The following ATAD3B variants were observed in gnomAD, a reference collection of about 807,000 sequenced individuals.
ATAD3B encodes the protein ATPase family AAA domain-containing protein 3B.
In ATAD3B, 59 loss-of-function variants were observed where a neutral mutation model predicts 70.2. That is an observed-to-expected ratio of 0.84 (90% CI 0.68 to 1.04). The LOEUF (loss-of-function observed/expected upper bound fraction) is 1.04, where lower values mean the gene tolerates loss of function less well. Ranked by LOEUF, ATAD3B falls within the 50% of genes least tolerant of loss-of-function variation. ATAD3B has a pLI of 0.00. For missense variants in ATAD3B, 961 were observed against 913.4 expected, an observed-to-expected ratio of 1.05 and a Z score of -0.67; for synonymous variants, 423 against 388.6, an observed-to-expected ratio of 1.09 and a Z score of -1.04.
At chr1:1,485,674 CT>C (rs1640168921) in intron 8 of ATAD3B, 107 bp from the exon 9 acceptor site, 3 of 1,527,162 alleles carry the variant, frequency 2.0e-6, no homozygotes, top group Non-Finnish European at 2.7e-6. Flanking sequence ...CCTGGCTGTG[CT>C]TTGGGGCAGC....
chr1:1,498,379 C>T (rs1407717470), downstream of ATAD3B, among the ~76,000 whole-genome samples: 5 of 151,812 alleles, frequency 3.3e-5, no homozygotes, highest in African/African-American at 9.7e-5. Context: ...CTAGGAGGAT[C>T]GCCTGAGCAT....
Position 1,482,762 on chromosome 1 carries a change from C to T in ATAD3B, c.750+148C>T, listed in dbSNP as rs758369730. 1.8e-5 allele frequency: 24 copies of T among 1,309,212 alleles called. 1 individual carries two copies. Among genetic ancestry groups the T allele is most frequent in the South Asian group, 6.6e-5 (5 of 75,372 alleles). The allele number at this position is 1,309,212 out of a possible 1,614,324, so 81.1% of individuals were successfully genotyped here. On this transcript the variant is annotated intron_variant, in intron 7 of 15. Coordinates refer to ENST00000673477, the MANE Select transcript of ATAD3B (RefSeq NM_031921.6). ...AAACCCACGTTGTACCTGCTGGGCTCGGCTGCTCCTCCCTCCTTGAGCTGG... is the reference window on the plus strand; with the variant it reads ...AAACCCACGTTGTACCTGCTGGGCTTGGCTGCTCCTCCCTCCTTGAGCTGG...
At chr1:1,493,605 C>T (rs1473404458) in intron 15 of ATAD3B, among the ~76,000 whole-genome samples, 1 of 151,788 alleles carries the variant, frequency 6.6e-6, no homozygotes, top group African/African-American at 2.4e-5. Flanking sequence ...GTGTGAGCCA[C>T]TGCAACCGAC....
intron 15 of ATAD3B, among the ~76,000 whole-genome samples, chr1:1,490,933 C>G (rs1640511824): frequency 6.6e-6 from 1 of 152,032 alleles, no homozygotes; most frequent in Non-Finnish European, 1.5e-5. Flanking sequence ...TCCAGCATCC[C>G]AGGTGCCCGG....
chr1:1,498,709 GT>G (rs1235897002), downstream of ATAD3B, among the ~76,000 whole-genome samples: 1 of 150,820 alleles, frequency 6.6e-6, no homozygotes, highest in African/African-American at 2.4e-5. Context: ...CGCCCGGCCT[GT>G]TTGTTTTTTT....
rs750391230 is a variant in ATAD3B, at chr1:1,486,667, G to A, written c.1213G>A (p.Gly405Ser). ...LFDWANTSRRGLLLFMDEADA... is the reference protein window; with the variant it reads ...LFDWANTSRRSLLLFMDEADA... The stretch of plus-strand genomic sequence containing the variant: ...TGACTGGGCCAATACCAGCCGGCGC[G>A]GGTGAGACGTCCCCACAGCATGCAC... Residue 405 changes from glycine (G) to serine (S), a missense_variant and splice_region_variant, in exon 11 of 16, where the codon GGC becomes AGC. Coordinates refer to ENST00000673477, the MANE Select transcript of ATAD3B (RefSeq NM_031921.6). 5.6e-6 allele frequency: 9 copies of A among 1,597,290 alleles called. No homozygotes were observed. The Admixed American group carries it at 6.8e-5, about 12-fold the overall frequency.
intron 1 of ATAD3B, among the ~76,000 whole-genome samples, chr1:1,474,124 G>A (rs181311066): frequency 7.2e-5 from 11 of 152,078 alleles, no homozygotes; most frequent in Non-Finnish European, 7.4e-5. Context: ...GGTAAAAGCC[G>A]TCCAACCGTC....
chr1:1,507,802 G>A, the ATAD3B span, among the ~76,000 whole-genome samples: 2 of 152,206 alleles, frequency 1.3e-5, no homozygotes, highest in African/African-American at 4.8e-5. Flanking sequence ...TCAGGTCCAG[G>A]TCTTCTCTTT....
chr1:1,479,287 CAGATGTGTGCACACATGT>C (rs1209697806), intron 4 of ATAD3B, among the ~76,000 whole-genome samples, 179 bp downstream of exon 4: 2 of 147,742 alleles, frequency 1.4e-5, no homozygotes, highest in African/African-American at 5.1e-5. Context: ...GGCACACATG[CAGATGTGTGCACACATGT>C]ACACGGAGAC....
the ATAD3B span, among the ~76,000 whole-genome samples, chr1:1,505,924 C>G: frequency 6.6e-6 from 1 of 152,190 alleles, no homozygotes; most frequent in African/African-American, 2.4e-5. Context: ...CCCTCGGTCT[C>G]TTGCCTCAGC....
At chr1:1,500,764 T>C (rs188406730), downstream of ATAD3B, among the ~76,000 whole-genome samples, 865 of 151,066 alleles carry the variant, frequency 5.7e-3, 15 homozygotes, top group African/African-American at 0.02. Context: ...CCATCCTGGC[T>C]AACAGGGTGA....
At chr1:1,482,849 A>C (rs1210609526) in intron 7 of ATAD3B, 3 of 628,256 alleles carry the variant, frequency 4.8e-6, no homozygotes, top group Non-Finnish European at 8.5e-6. Context: ...ACGAAGAATA[A>C]AACATTAGCT....
chr1:1,487,246 T>TTC lies in ATAD3B; in HGVS notation c.1214+579_1214+580dup, dbSNP rs111620864. On this transcript the variant is annotated intron_variant, in intron 11 of 15. Coordinates refer to ENST00000673477, the MANE Select transcript of ATAD3B (RefSeq NM_031921.6). Reference sequence around the variant, plus strand: ...TGGCTCACGGCTGTAATCCCAGACTTTCGGAGGCGGAGGCAGGCAGATACG... The same window carrying TTC: ...TGGCTCACGGCTGTAATCCCAGACTTTCTCGGAGGCGGAGGCAGGCAGATACG... Among the ~76,000 whole-genome samples, 6 of 151,772 alleles carry TTC rather than the reference T, an allele frequency of 4.0e-5. 1 individual carries two copies. Among genetic ancestry groups the TTC allele is most frequent in the African/African-American group, 1.4e-4 (6 of 41,454 alleles).
chr1:1,496,284 GAGGC>G lies in ATAD3B; in HGVS notation c.*470_*473del. 2.1e-6 allele frequency: 2 copies of G among 968,526 alleles called. No individual in the cohort carries two copies. The highest frequency in any genetic ancestry group is 2.5e-6 in the Non-Finnish European group (2 of 813,126). 60.0% of individuals were successfully genotyped at this position (968,526 alleles called of 1,614,324 possible). A position where few individuals can be genotyped will look rare whatever the true frequency, so the allele number is the denominator to read the frequency against. ...CCTCCTGGGGTCAAAGGTGACATAA[GAGGC>G]AGAGGCTGGAGCTTTCTGGAGAATT... On this transcript the variant is annotated 3_prime_UTR_variant, in exon 16 of 16. Transcript: ENST00000673477.
At chr1:1,499,369 T>TG (rs1271177778), downstream of ATAD3B, among the ~76,000 whole-genome samples, 3 of 148,842 alleles carry the variant, frequency 2.0e-5, no homozygotes, top group Admixed American at 6.8e-5. Flanking sequence ...CCCAAGTAGC[T>TG]GGGATTACAG....
chr1:1,486,179 TACAGGCACATCCTGCTGTATGGGCC>T lies in ATAD3B; in HGVS notation c.1036_1060del (p.Arg346GlnfsTer23), dbSNP rs753674581. On this transcript the variant is annotated frameshift_variant, in exon 10 of 16. Coordinates refer to ENST00000673477, the MANE Select transcript of ATAD3B (RefSeq NM_031921.6). LOFTEE classifies it high-confidence loss of function. Reference sequence around the variant, plus strand: ...GAACACCAAGAAGAACCGGGGCCTGTACAGGCACATCCTGCTGTATGGGCCACCAGGCACCGGGAAGACGCTGTTT... The same window carrying T: ...GAACACCAAGAAGAACCGGGGCCTGTACCAGGCACCGGGAAGACGCTGTTT... The T allele has an allele frequency of 6.2e-7, 1 of 1,613,100 alleles. No individual in the cohort carries two copies. Among genetic ancestry groups the T allele is most frequent in the Non-Finnish European group, 8.5e-7 (1 of 1,179,660 alleles).
chr1:1,485,281 C>T (rs1297877003), intron 8 of ATAD3B, 110 bp downstream of exon 8: 4 of 1,501,692 alleles, frequency 2.7e-6, no homozygotes, highest in African/African-American at 2.7e-5. Flanking sequence ...CCCCGGATAA[C>T]AGGCACCCGC....
At chr1:1,478,860 C>A in intron 3 of ATAD3B, 115 bp downstream of exon 3, 1 of 880,818 alleles carries the variant, frequency 1.1e-6, no homozygotes, top group Non-Finnish European at 1.7e-6. Flanking sequence ...TAGAGCTGCC[C>A]TCGGAACGGC....
the ATAD3B span, chr1:1,503,318 C>T: frequency 2.3e-6 from 1 of 438,322 alleles, no homozygotes; most frequent in Non-Finnish European, 4.2e-6. Flanking sequence ...AGAGCCTCCT[C>T]CCGTCCACGT....
Sources: allele counts gnomAD v4.1 joint callset (sites outside exome capture counted in the v4.1 genomes callset), GRCh38; gene constraint gnomAD v4.1.1; transcripts MANE v1.5; gene names NCBI Gene and HGNC (gene_info 2026-07-23, HGNC 2026-07-21).